NKAIN3: variants seen among roughly 807,000 people sequenced by gnomAD.
The protein encoded by NKAIN3 is sodium/potassium transporting ATPase interacting 3, also known as sodium/potassium-transporting ATPase subunit beta-1-interacting protein 3.
Under a neutral mutation model 30.2 loss-of-function variants are expected in NKAIN3, and 25 were observed. The ratio of observed to expected loss-of-function variants is 0.83; its 90% CI spans 0.60 to 1.16. The LOEUF is 1.16. Among genes scored for constraint, NKAIN3 ranks in the 50% most tolerant of loss-of-function variants. NKAIN3 has a pLI of 0.00. For synonymous variants in NKAIN3, 91 were observed against 89.6 expected, an observed-to-expected ratio of 1.02 and a Z score of -0.09; for missense variants, 225 against 254.1, an observed-to-expected ratio of 0.89 and a Z score of 0.78.
chr8:62,730,042 C>G (rs994132702), intron 3 of NKAIN3, among the ~76,000 whole-genome samples: 1 of 152,298 alleles, frequency 6.6e-6, no homozygotes, highest in African/African-American at 2.4e-5. Flanking sequence ...ACAAATAATA[C>G]CAAGTTTGAT....
At chr8:62,370,905 T>G (rs772978338) in intron 1 of NKAIN3, among the ~76,000 whole-genome samples, 1 of 151,956 alleles carries the variant, frequency 6.6e-6, no homozygotes, top group Non-Finnish European at 1.5e-5. Flanking sequence ...CCAATGAAAG[T>G]AGATGCACCA....
At chr8:62,847,754 C>A (rs183367099) in intron 4 of NKAIN3, among the ~76,000 whole-genome samples, 4 of 151,618 alleles carry the variant, frequency 2.6e-5, no homozygotes, top group African/African-American at 9.7e-5. Context: ...AAACTTTGCC[C>A]GTGCTTATGT....
At chr8:62,926,913 A>T (rs954853264) in intron 5 of NKAIN3, among the ~76,000 whole-genome samples, 4 of 151,356 alleles carry the variant, frequency 2.6e-5, no homozygotes, top group African/African-American at 9.7e-5. Flanking sequence ...TTGCTCTCTT[A>T]ATTATTTTTT....
At chr8:62,743,056 G>A (rs777216010) in intron 3 of NKAIN3, among the ~76,000 whole-genome samples, 1 of 152,116 alleles carries the variant, frequency 6.6e-6, no homozygotes, top group Non-Finnish European at 1.5e-5. Flanking sequence ...ACCTCCAACA[G>A]GTCCCTTCCA....
intron 4 of NKAIN3, among the ~76,000 whole-genome samples, chr8:62,847,284 A>G (rs2130768025): frequency 6.6e-6 from 1 of 152,270 alleles, no homozygotes; most frequent in Middle Eastern, 3.4e-3. Flanking sequence ...CAATGGTTGA[A>G]CTAATTTACA....
At chr8:62,357,346 G>A (rs1013609017) in intron 1 of NKAIN3, among the ~76,000 whole-genome samples, 1 of 150,070 alleles carries the variant, frequency 6.7e-6, no homozygotes, top group Non-Finnish European at 1.5e-5. Flanking sequence ...TTGAGCCCAA[G>A]AGTTTGAGGC....
intron 1 of NKAIN3, among the ~76,000 whole-genome samples, chr8:62,501,870 T>C (rs546929604): frequency 2.0e-5 from 3 of 152,318 alleles, no homozygotes; most frequent in African/African-American, 7.2e-5. Context: ...TTACTAACAA[T>C]ATACCTATGC....
intron 1 of NKAIN3, among the ~76,000 whole-genome samples, chr8:62,326,796 A>G (rs965494298): frequency 7.9e-5 from 12 of 151,990 alleles, no homozygotes; most frequent in African/African-American, 2.9e-4. Context: ...ACTACTTTCA[A>G]TTCTTTTGGG....
At chr8:62,869,388 A>G (rs1003185568) in intron 4 of NKAIN3, among the ~76,000 whole-genome samples, 5 of 151,958 alleles carry the variant, frequency 3.3e-5, no homozygotes, top group Admixed American at 2.6e-4. Flanking sequence ...ATGTGTTCTC[A>G]TTGTTCAACT....
chr8:62,924,160 A>C (rs954397887), intron 5 of NKAIN3, among the ~76,000 whole-genome samples: 1 of 152,132 alleles, frequency 6.6e-6, no homozygotes, highest in Non-Finnish European at 1.5e-5. Context: ...GAATCCACCA[A>C]GAGCTTTCAT....
At chr8:62,598,180 T>G (rs1810888262) in intron 3 of NKAIN3, among the ~76,000 whole-genome samples, 1 of 151,504 alleles carries the variant, frequency 6.6e-6, no homozygotes, top group African/African-American at 2.4e-5. Flanking sequence ...TAAGGCAGAG[T>G]AGGATTCATT....
At chr8:62,910,952 C>A (rs1325131947) in intron 4 of NKAIN3, among the ~76,000 whole-genome samples, 1 of 151,994 alleles carries the variant, frequency 6.6e-6, no homozygotes, top group Non-Finnish European at 1.5e-5. Context: ...ATGGACCAAC[C>A]AATAAATGCT....
chr8:62,749,398 T>A (rs1017751133), intron 4 of NKAIN3, among the ~76,000 whole-genome samples: 6 of 152,210 alleles, frequency 3.9e-5, no homozygotes, highest in African/African-American at 1.4e-4. Flanking sequence ...GTTATTTTAG[T>A]AAACATTCAA....
intron 3 of NKAIN3, among the ~76,000 whole-genome samples, chr8:62,623,751 GGA>G (rs1447903705): frequency 6.6e-6 from 1 of 151,958 alleles, no homozygotes; most frequent in East Asian, 1.9e-4. Context: ...GTTACCAGGA[GGA>G]GGTCCCAGTC....
intron 5 of NKAIN3, among the ~76,000 whole-genome samples, chr8:62,929,183 T>C (rs1238059468): frequency 6.6e-6 from 1 of 152,170 alleles, no homozygotes; most frequent in Non-Finnish European, 1.5e-5. Flanking sequence ...AGCAGCTTCA[T>C]ACCAAATGGT....
At chr8:62,480,447 A>C (rs1159057118) in intron 1 of NKAIN3, among the ~76,000 whole-genome samples, 1 of 151,818 alleles carries the variant, frequency 6.6e-6, no homozygotes, top group East Asian at 1.9e-4. Context: ...ATAGCTTGCC[A>C]TGTTACAGTA....
intron 1 of NKAIN3, among the ~76,000 whole-genome samples, chr8:62,572,736 A>G (rs965811051): frequency 1.3e-5 from 2 of 151,746 alleles, no homozygotes; most frequent in African/African-American, 4.8e-5. Context: ...AAACCATTAG[A>G]TCTCATGAGA....
intron 4 of NKAIN3, among the ~76,000 whole-genome samples, chr8:62,810,125 T>C (rs1818442284): frequency 6.6e-6 from 1 of 152,158 alleles, no homozygotes; most frequent in East Asian, 1.9e-4. Context: ...CTCAGCTGCT[T>C]GCTTGCATAA....
At position 62,802,954 on chromosome 8, in the gene NKAIN3, G is replaced by A. The variant is rs139244557; in HGVS notation, c.471+55825G>A. 9.8e-3 allele frequency among the ~76,000 whole-genome samples: 1,489 copies of A among 152,068 alleles called. 21 individuals are homozygous for A. Among genetic ancestry groups the A allele is most frequent in the African/African-American group, 0.033 (1,354 of 41,464 alleles). On this transcript the variant is annotated intron_variant, in intron 4 of 6. Coordinates refer to ENST00000623646, the MANE Select transcript of NKAIN3 (RefSeq NM_001304533.3). ...GTAAATGGAAAACAAAAAAAGGCAGGGGTTGCAATCCTAGTCTCTGATAAA... is the reference window on the plus strand; with the variant it reads ...GTAAATGGAAAACAAAAAAAGGCAGAGGTTGCAATCCTAGTCTCTGATAAA...
Sources: gnomAD v4.1 joint callset for allele counts (sites outside exome capture counted in the v4.1 genomes callset) on GRCh38, gnomAD v4.1.1 for gene constraint, MANE v1.5 for transcripts, NCBI Gene and HGNC (gene_info 2026-07-23, HGNC 2026-07-21) for gene names.